The following ADAMTSL3 variants were observed in gnomAD, a reference collection of about 807,000 sequenced individuals.
The protein encoded by ADAMTSL3 is ADAMTS-like protein 3.
Under a neutral mutation model 201.7 loss-of-function variants are expected in ADAMTSL3, and 128 were observed. That is an observed-to-expected ratio of 0.63 (90% CI 0.55 to 0.73). The LOEUF (loss-of-function observed/expected upper bound fraction) is 0.73, where lower values mean the gene tolerates loss of function less well. Ranked by LOEUF, ADAMTSL3 falls within the 30% of genes least tolerant of loss-of-function variation. ADAMTSL3 has a pLI of 0.00. For missense variants in ADAMTSL3, 1,990 were observed against 2,119.6 expected, an observed-to-expected ratio of 0.94 and a Z score of 1.20; for synonymous variants, 738 against 748.4, an observed-to-expected ratio of 0.99 and a Z score of 0.23.
intron 20 of ADAMTSL3, among the ~76,000 whole-genome samples, chr15:83,971,016 G>A (rs138570694): frequency 2.6e-5 from 4 of 152,252 alleles, no homozygotes; most frequent in Non-Finnish European, 5.9e-5. Flanking sequence ...GAAGAGCTAC[G>A]TATTTTTAAG....
intron 2 of ADAMTSL3, among the ~76,000 whole-genome samples, chr15:83,686,865 A>G (rs769905752): frequency 3.9e-5 from 6 of 152,206 alleles, no homozygotes; most frequent in Non-Finnish European, 7.3e-5. Flanking sequence ...AGCCACATAT[A>G]TAACTGTACA....
intron 6 of ADAMTSL3, among the ~76,000 whole-genome samples, chr15:83,834,453 T>G (rs1567177646): frequency 6.6e-6 from 1 of 152,222 alleles, no homozygotes; most frequent in Non-Finnish European, 1.5e-5. Context: ...AGTTAGATTC[T>G]GATTTGCAGA....
rs546845842 is a variant in ADAMTSL3 at position 83,904,274 on chromosome 15, A to C, written c.1700+4543A>C. 1.1e-4 allele frequency among the ~76,000 whole-genome samples: 16 copies of C among 151,746 alleles called. No homozygotes were observed. The South Asian group carries it at 3.1e-3, about 30-fold the overall frequency. On this transcript the variant is annotated intron_variant, in intron 15 of 29. Coordinates refer to ENST00000286744, the MANE Select transcript of ADAMTSL3 (RefSeq NM_207517.3). The stretch of plus-strand genomic sequence containing the variant: ...GTTTCTGGCCTGGTCCTGGCCATCT[A>C]GTGTGAAGTTTATATTTTCCTGCCA...
chr15:83,886,639 A>T (rs68014551), intron 10 of ADAMTSL3, among the ~76,000 whole-genome samples: 23,985 of 152,072 alleles, frequency 0.16, 2,187 homozygotes, highest in East Asian at 0.35. Flanking sequence ...AAGAGCTAGA[A>T]TAAATCCTTC....
At chr15:83,657,094 A>G (rs1343696086) in intron 2 of ADAMTSL3, among the ~76,000 whole-genome samples, 1 of 152,234 alleles carries the variant, frequency 6.6e-6, no homozygotes, top group Non-Finnish European at 1.5e-5. Context: ...TTCTCTGGCC[A>G]GCGAGATGAC....
At chr15:83,938,387 A>G (rs1190983794) in intron 17 of ADAMTSL3, among the ~76,000 whole-genome samples, 3 of 152,192 alleles carry the variant, frequency 2.0e-5, no homozygotes, top group South Asian at 4.1e-4. Context: ...CTGATGGGTC[A>G]TGGTCAGGTG....
chr15:83,769,786 CTTTT>C (rs763339984), intron 3 of ADAMTSL3, among the ~76,000 whole-genome samples: 2 of 135,164 alleles, frequency 1.5e-5, no homozygotes, highest in African/African-American at 2.7e-5. Context: ...TTTAATTTTT[CTTTT>C]TTTTTTTTTT....
chr15:83,695,379 A>G (rs989550696), intron 2 of ADAMTSL3, among the ~76,000 whole-genome samples: 4 of 151,180 alleles, frequency 2.6e-5, no homozygotes, highest in African/African-American at 9.8e-5. Context: ...CAGTTTGCTA[A>G]AGAGATTCTT....
rs116410288 is a variant in ADAMTSL3, at chr15:84,011,047, T to G, written c.3974-3495T>G. Among the ~76,000 whole-genome samples the G allele has an allele frequency of 7.9e-3, 1,208 of 152,338 alleles. 18 individuals are homozygous for G. Among genetic ancestry groups the G allele is most frequent in the African/African-American group, 0.027 (1,130 of 41,582 alleles). ...CTCTAGATTAAGGTCCGTGAGGAAC[T>G]TAGTTTACCATTATATCCTTAGCAT... On this transcript the variant is annotated intron_variant, in intron 23 of 29. Transcript: ENST00000286744.
chr15:83,748,557 G>A (rs752834098), intron 3 of ADAMTSL3, among the ~76,000 whole-genome samples: 16 of 150,942 alleles, frequency 1.1e-4, no homozygotes, highest in African/African-American at 2.4e-4. Context: ...GGCTGAAGTG[G>A]GAGAATCACT....
intron 3 of ADAMTSL3, among the ~76,000 whole-genome samples, chr15:83,716,620 G>T (rs2062023311): frequency 6.6e-6 from 1 of 151,386 alleles, no homozygotes; most frequent in Non-Finnish European, 1.5e-5. Flanking sequence ...GTGTGTGTGT[G>T]TGTGTTGTGT....
intron 22 of ADAMTSL3, among the ~76,000 whole-genome samples, chr15:83,989,340 C>A (rs750147559): frequency 3.9e-5 from 6 of 152,192 alleles, no homozygotes; most frequent in Non-Finnish European, 5.9e-5. Context: ...GCATTTTCAA[C>A]ATGTGCCCAG....
At chr15:83,719,545 T>C (rs2062068430) in intron 3 of ADAMTSL3, among the ~76,000 whole-genome samples, 1 of 152,208 alleles carries the variant, frequency 6.6e-6, no homozygotes, top group African/African-American at 2.4e-5. Context: ...GTGAATATGC[T>C]AAAAAGTATA....
At chr15:83,682,718 C>T (rs1381341703) in intron 2 of ADAMTSL3, among the ~76,000 whole-genome samples, 2 of 152,148 alleles carry the variant, frequency 1.3e-5, no homozygotes, top group Non-Finnish European at 2.9e-5. Flanking sequence ...TTGGTGTTTC[C>T]CTTGGCTTGG....
chr15:83,932,803 CA>C (rs1596429829), intron 17 of ADAMTSL3, among the ~76,000 whole-genome samples: 1 of 152,204 alleles, frequency 6.6e-6, no homozygotes, highest in Admixed American at 6.5e-5. Context: ...AGCTCATAAT[CA>C]AAATTTTTTA....
At position 83,654,721 on chromosome 15, in the gene ADAMTSL3, G is replaced by A. The variant is rs552004732; in HGVS notation, c.-34+445G>A. ...GTGGGGGTGACCGGGACGCGGCGGA[G>A]GCACTGGAGGAGCGACTTCGAGGCA... On this transcript the variant is annotated intron_variant, in intron 1 of 29. Coordinates refer to ENST00000286744, the MANE Select transcript of ADAMTSL3 (RefSeq NM_207517.3). The surrounding 1 kb of genome is among the most constrained non-coding windows in gnomAD (Gnocchi z 5.3). 1.2e-3 allele frequency among the ~76,000 whole-genome samples: 190 copies of A among 152,268 alleles called. No individual in the cohort carries two copies. Among genetic ancestry groups the A allele is most frequent in the African/African-American group, 4.4e-3 (183 of 41,566 alleles).
At chr15:83,692,502 C>T (rs1419576580) in intron 2 of ADAMTSL3, among the ~76,000 whole-genome samples, 3 of 151,530 alleles carry the variant, frequency 2.0e-5, no homozygotes, top group South Asian at 4.2e-4. Context: ...TGGCTAACAC[C>T]GTGAAACCCT....
At chr15:83,888,835 T>C (rs2065449716) in intron 10 of ADAMTSL3, among the ~76,000 whole-genome samples, 1 of 152,174 alleles carries the variant, frequency 6.6e-6, no homozygotes, top group Non-Finnish European at 1.5e-5. Flanking sequence ...TCAGCTTACA[T>C]CCAAGCCATG....
In ADAMTSL3 at chr15:83,714,830, C is replaced by T. The variant is rs1360545482; in HGVS notation, c.189+10322C>T. On this transcript the variant is annotated intron_variant, in intron 3 of 29. Transcript: ENST00000286744. ...TTCTTCTTTCTTTCTTTCCTTCTCT[C>T]TCTCTTTCTTTCTCTCTCTTTCCCT... Among the ~76,000 whole-genome samples, 48 of 124,830 alleles carry T rather than the reference C, an allele frequency of 3.8e-4. 1 individual carries two copies. The highest frequency in any genetic ancestry group is 5.8e-4 in the Non-Finnish European group (34 of 58,772). 81.9% of individuals were successfully genotyped at this position (124,830 alleles called of 152,430 possible).
Sources: allele counts gnomAD v4.1 joint callset (sites outside exome capture counted in the v4.1 genomes callset), GRCh38; gene constraint gnomAD v4.1.1; non-coding constraint Gnocchi (gnomAD v3.1); transcripts MANE v1.5; gene names NCBI Gene and HGNC (gene_info 2026-07-23, HGNC 2026-07-21).